CDK5RAP2: variants seen among roughly 807,000 people sequenced by gnomAD.
CDK5RAP2 encodes the protein CDK5 regulatory subunit-associated protein 2.
In CDK5RAP2, 147 loss-of-function variants were observed where a neutral mutation model predicts 232.9. The ratio of observed to expected loss-of-function variants is 0.63; its 90% CI spans 0.55 to 0.72. The LOEUF (loss-of-function observed/expected upper bound fraction) is 0.72. Ranked by LOEUF, CDK5RAP2 falls within the 30% of genes least tolerant of loss-of-function variation. The probability of loss-of-function intolerance (pLI) is 0.00; values close to 1 mark genes in which losing one functional copy is unlikely to be tolerated. For synonymous variants in CDK5RAP2, 833 were observed against 833.7 expected (o/e 1.00, Z 0.01); for missense variants, 2,195 against 2,231.5 (o/e 0.98, Z 0.33).
At position 120,407,130 on chromosome 9, in the gene CDK5RAP2, CAG is replaced by C; in HGVS notation, c.4843_4844del (p.Leu1615AlafsTer31). ...LERSIETSSTLQSRLKEQLAR... is the reference protein window; with the variant it reads ...LERSIETSSTXQSRLKEQLAR... ...CCAGCTGTTCCTTGAGCCTGCTCTG[CAG>C]AGTGCTGCTGGTTTCGATGCTCCTT... is the stretch of plus-strand genomic sequence containing the variant. On this transcript the variant is annotated frameshift_variant, in exon 32 of 38. Coordinates refer to ENST00000349780, the MANE Select transcript of CDK5RAP2 (RefSeq NM_018249.6). LOFTEE classifies it high-confidence loss of function. The C allele has an allele frequency of 6.2e-7, 1 of 1,614,106 alleles. No individual in the cohort carries two copies. Among genetic ancestry groups the C allele is most frequent in the East Asian group, 2.2e-5 (1 of 44,880 alleles).
intron 15 of CDK5RAP2, among the ~76,000 whole-genome samples, chr9:120,473,727 C>G (rs548212622): frequency 3.7e-4 from 56 of 152,320 alleles, no homozygotes; most frequent in African/African-American, 1.1e-3. Context: ...CAGCACAGCA[C>G]TCGCTTGGAT....
intron 22 of CDK5RAP2, among the ~76,000 whole-genome samples, chr9:120,446,318 G>C (rs1033035369): frequency 6.6e-6 from 1 of 151,796 alleles, no homozygotes; most frequent in African/African-American, 2.4e-5. Context: ...CCTCCACCTC[G>C]TGGGTTCAAG....
rs1203143623 is a variant in CDK5RAP2, at chr9:120,470,217, T to G, written c.1862A>C (p.Glu621Ala). The G allele has an allele frequency of 2.7e-6, 4 of 1,494,952 alleles. No homozygotes were observed. Among genetic ancestry groups the G allele is most frequent in the Non-Finnish European group, 3.7e-6 (4 of 1,090,922 alleles). The allele number at this position is 1,494,952 out of a possible 1,614,324, so 92.6% of individuals were successfully genotyped here. A position where few individuals can be genotyped will look rare whatever the true frequency, so the allele number is the denominator to read the frequency against. ...QISEIRRREE[E>A]SFSLYSDQTS... ...TTGATCACTATAAAGTGAAAATGAT[T>G]CTTCTGCCCAAAAAAGAAAAAAAAA... is the stretch of plus-strand genomic sequence containing the variant. The change falls in exon 17 of 38, where the codon GAA becomes GCA. Residue 621 changes from glutamate to alanine, a missense_variant. Physicochemically the swap from Glu to Ala is moderately radical, Grantham distance 107. Transcript: ENST00000349780.
chr9:120,526,354 C>T (rs140508829), intron 10 of CDK5RAP2, among the ~76,000 whole-genome samples: 78 of 152,310 alleles, frequency 5.1e-4, no homozygotes, highest in African/African-American at 1.8e-3. Flanking sequence ...CCACTATCCA[C>T]GCTTTGAACT....
At chr9:120,556,384 T>C (rs1351543289) in intron 3 of CDK5RAP2, among the ~76,000 whole-genome samples, 1 of 152,206 alleles carries the variant, frequency 6.6e-6, no homozygotes, top group Non-Finnish European at 1.5e-5. Context: ...TTTTTCAGCG[T>C]TTTAAAAAAT....
intron 31 of CDK5RAP2, chr9:120,408,081 GGCCT>G: frequency 2.0e-6 from 1 of 491,430 alleles, no homozygotes; most frequent in Non-Finnish European, 3.7e-6. Context: ...AGGGTGAAGT[GGCCT>G]ACTGAGGGTC....
At chr9:120,462,549 T>C (rs2037149798) in intron 18 of CDK5RAP2, among the ~76,000 whole-genome samples, 2 of 151,948 alleles carry the variant, frequency 1.3e-5, no homozygotes, top group South Asian at 4.2e-4. Context: ...TGTAATACAC[T>C]CATGCAATGG....
At chr9:120,504,899 C>G (rs955152261) in intron 12 of CDK5RAP2, among the ~76,000 whole-genome samples, 1 of 152,206 alleles carries the variant, frequency 6.6e-6, no homozygotes, top group Non-Finnish European at 1.5e-5. Context: ...CAAGTGCCAT[C>G]TCTTCCACAA....
At chr9:120,567,900 A>T (rs1380988224) in intron 3 of CDK5RAP2, among the ~76,000 whole-genome samples, 2 of 152,196 alleles carry the variant, frequency 1.3e-5, no homozygotes, top group Non-Finnish European at 2.9e-5. Context: ...GCAAAATGGG[A>T]ATGATACAAA....
Position 120,439,438 on chromosome 9 carries a change from T to G in CDK5RAP2, c.3683A>C (p.His1228Pro). 6.2e-7 allele frequency: 1 copy of G among 1,614,196 alleles called. No individual in the cohort carries two copies. The highest frequency in any genetic ancestry group is 8.5e-7 in the Non-Finnish European group (1 of 1,180,000). The change falls in exon 24 of 38, where the codon CAT (histidine) becomes CCT (proline). Residue 1228 changes from histidine (H) to proline (P), a missense_variant. Coordinates refer to ENST00000349780, the MANE Select transcript of CDK5RAP2 (RefSeq NM_018249.6). Reference protein sequence around the residue: ...NLNMQLFSEIHNLQNKFRDLS... With the variant: ...NLNMQLFSEIPNLQNKFRDLS... ...ATCTCTGAACTTATTCTGCAGATTATGGATCTCACTGAAAAGTTGCATGTT... is the reference window on the plus strand; with the variant it reads ...ATCTCTGAACTTATTCTGCAGATTAGGGATCTCACTGAAAAGTTGCATGTT...
chr9:120,474,044 T>C (rs892245488), intron 15 of CDK5RAP2, among the ~76,000 whole-genome samples: 10 of 152,136 alleles, frequency 6.6e-5, no homozygotes, highest in South Asian at 6.2e-4. Context: ...AGATCGAAGC[T>C]CAAAATAGCA....
At chr9:120,520,855 CAT>C (rs1230943720) in intron 11 of CDK5RAP2, among the ~76,000 whole-genome samples, 9 of 151,666 alleles carry the variant, frequency 5.9e-5, no homozygotes, top group African/African-American at 2.2e-4. Context: ...ATATATATCT[CAT>C]ATGAGCTATA....
intron 12 of CDK5RAP2, among the ~76,000 whole-genome samples, chr9:120,515,600 G>C (rs1024225822): frequency 1.2e-4 from 19 of 152,170 alleles, no homozygotes; most frequent in African/African-American, 4.3e-4. Context: ...CTCTAACATT[G>C]CTGGTGGCAG....
intron 25 of CDK5RAP2, among the ~76,000 whole-genome samples, chr9:120,424,328 GTAGA>G (rs1041604186): frequency 6.6e-6 from 1 of 152,158 alleles, no homozygotes; most frequent in African/African-American, 2.4e-5. Context: ...TTCTTGAAAG[GTAGA>G]TAGAGGTTGA....
In CDK5RAP2 at chr9:120,453,498, C is replaced by G; in HGVS notation, c.2751G>C (p.Gly917=). Reference sequence around the variant, plus strand: ...GGAGGGAAAGGAGGGCAGCCTGCCACCCAGGCACCCCGTGCAGGTTCTCTG... The same window carrying G: ...GGAGGGAAAGGAGGGCAGCCTGCCAGCCAGGCACCCCGTGCAGGTTCTCTG... ...HRPENLHGVP[G]WQAALLSLPG... is the part of the protein sequence containing the mutation. The change falls in exon 21 of 38, where the codon GGG becomes GGC. Residue 917 remains glycine, a synonymous_variant. Coordinates refer to ENST00000349780, the MANE Select transcript of CDK5RAP2 (RefSeq NM_018249.6). 1.2e-6 allele frequency: 2 copies of G among 1,613,484 alleles called. No homozygotes were observed. Among genetic ancestry groups the G allele is most frequent in the Middle Eastern group, 3.3e-4 (2 of 6,062 alleles).
At chr9:120,541,865 G>T (rs1404155287) in intron 5 of CDK5RAP2, among the ~76,000 whole-genome samples, 1 of 152,114 alleles carries the variant, frequency 6.6e-6, no homozygotes, top group Non-Finnish European at 1.5e-5. Flanking sequence ...GCAGAATCTG[G>T]GCTAACACAC....
intron 14 of CDK5RAP2, 105 bp downstream of exon 14, chr9:120,487,189 C>T: frequency 7.8e-7 from 1 of 1,274,050 alleles, no homozygotes; most frequent in Non-Finnish European, 1.1e-6. Context: ...CAGTTACCAA[C>T]AAGAAGGCAT....
At chr9:120,499,938 CAATT>C (rs2039496737) in intron 12 of CDK5RAP2, among the ~76,000 whole-genome samples, 1 of 151,988 alleles carries the variant, frequency 6.6e-6, no homozygotes, top group Non-Finnish European at 1.5e-5. Context: ...GAGCATAGAG[CAATT>C]AATTAATGAT....
At chr9:120,461,315 A>G (rs2037076286) in intron 18 of CDK5RAP2, among the ~76,000 whole-genome samples, 1 of 152,272 alleles carries the variant, frequency 6.6e-6, no homozygotes, top group Non-Finnish European at 1.5e-5. Context: ...TAAAGACTGC[A>G]TAAATCCCTA....
Sources: gnomAD v4.1 joint callset for allele counts (sites outside exome capture counted in the v4.1 genomes callset) on GRCh38, gnomAD v4.1.1 for gene constraint, MANE v1.5 for transcripts, NCBI Gene and HGNC (gene_info 2026-07-23, HGNC 2026-07-21) for gene names.